RPH3A: variants seen among roughly 807,000 people sequenced by gnomAD.
The protein encoded by RPH3A is rabphilin-3A.
RPH3A carries 48 observed loss-of-function variants against 102.2 expected under a neutral mutation model. The observed-to-expected ratio is 0.47, with a 90% CI of 0.37 to 0.60. The LOEUF (loss-of-function observed/expected upper bound fraction) is 0.60, where lower values mean the gene tolerates loss of function less well. Among genes scored for constraint, RPH3A ranks in the 20% least tolerant of loss-of-function variants. The pLI, the probability that RPH3A is intolerant of heterozygous loss-of-function variation, is 0.00. For synonymous variants in RPH3A, 310 were observed against 324.3 expected, an observed-to-expected ratio of 0.96 and a Z score of 0.47; for missense variants, 781 against 910.1, an observed-to-expected ratio of 0.86 and a Z score of 1.83.
chr12:112,799,332 G>A (rs1274136645), intron 2 of RPH3A, among the ~76,000 whole-genome samples: 1 of 152,194 alleles, frequency 6.6e-6, no homozygotes, highest in Non-Finnish European at 1.5e-5. Context: ...AGGCTACTGT[G>A]AGCTGTGGTT....
At chr12:112,727,493 A>ACACACAGCC (rs1284810799) in intron 1 of RPH3A, among the ~76,000 whole-genome samples, 1 of 41,642 alleles carries the variant, frequency 2.4e-5, no homozygotes, top group Non-Finnish European at 4.5e-5. Context: ...ACACACACAG[A>ACACACAGCC]CCCCCCCCCC....
At chr12:112,597,161 GGGA>G (rs1336161893) in intron 1 of RPH3A, among the ~76,000 whole-genome samples, 1 of 152,160 alleles carries the variant, frequency 6.6e-6, no homozygotes, top group African/African-American at 2.4e-5. Context: ...GTTATTTTTG[GGGA>G]GGAGGAGAGG....
At chr12:112,873,528 G>C (rs1032225483) in intron 10 of RPH3A, among the ~76,000 whole-genome samples, 1 of 152,168 alleles carries the variant, frequency 6.6e-6, no homozygotes, top group Non-Finnish European at 1.5e-5. Context: ...TCTCTGAAAG[G>C]CTTTTGATCA....
chr12:112,818,738 T>A (rs1051997123), intron 2 of RPH3A, among the ~76,000 whole-genome samples: 1 of 152,158 alleles, frequency 6.6e-6, no homozygotes, highest in Non-Finnish European at 1.5e-5. Context: ...TGAGAGAGGA[T>A]GTTTTCCCAA....
chr12:112,637,856 A>T (rs2039859152), intron 1 of RPH3A, among the ~76,000 whole-genome samples: 1 of 151,696 alleles, frequency 6.6e-6, no homozygotes. Flanking sequence ...TGGTTCTTTT[A>T]CATCCTTTGA....
intron 3 of RPH3A, among the ~76,000 whole-genome samples, chr12:112,829,279 CT>C (rs1261332706): frequency 1.4e-5 from 2 of 142,336 alleles, no homozygotes; most frequent in African/African-American, 5.2e-5. Context: ...TTTTTTTTTT[CT>C]TTTTTTTTCT....
At chr12:112,891,884 G>T (rs2043101553) in intron 19 of RPH3A, among the ~76,000 whole-genome samples, 1 of 152,194 alleles carries the variant, frequency 6.6e-6, no homozygotes, top group South Asian at 2.1e-4. Context: ...CAATCTCATA[G>T]CCACCGCTGT....
chr12:112,854,679 G>A (rs114465789), intron 5 of RPH3A, among the ~76,000 whole-genome samples: 66 of 152,236 alleles, frequency 4.3e-4, no homozygotes, highest in South Asian at 1.2e-3. Flanking sequence ...CATATATTTC[G>A]TTTAATCCTC....
At chr12:112,663,840 A>G (rs1316460629) in intron 1 of RPH3A, among the ~76,000 whole-genome samples, 1 of 152,166 alleles carries the variant, frequency 6.6e-6, no homozygotes, top group Non-Finnish European at 1.5e-5. Flanking sequence ...ACATCTTTCC[A>G]GCATATAAAC....
At chr12:112,615,970 C>G (rs763607356) in intron 1 of RPH3A, among the ~76,000 whole-genome samples, 2 of 152,130 alleles carry the variant, frequency 1.3e-5, no homozygotes, top group Non-Finnish European at 2.9e-5. Flanking sequence ...AGGTCTGGAT[C>G]TTGTCCCTAG....
chr12:112,824,479 G>T (rs867020445), intron 2 of RPH3A, among the ~76,000 whole-genome samples: 3 of 152,068 alleles, frequency 2.0e-5, no homozygotes, highest in Admixed American at 1.3e-4. Context: ...GACTATTAGG[G>T]TGCCTCCCCC....
intron 7 of RPH3A, 90 bp downstream of exon 7, chr12:112,866,930 C>A: frequency 1.1e-6 from 1 of 899,480 alleles, no homozygotes. Context: ...TGAAAGGACC[C>A]AGCTCAGCAG....
chr12:112,731,293 G>A (rs989864789), intron 1 of RPH3A, among the ~76,000 whole-genome samples: 2 of 152,156 alleles, frequency 1.3e-5, no homozygotes, highest in Middle Eastern at 3.4e-3. Context: ...ATGAATACAC[G>A]TATAAGTTTC....
chr12:112,715,648 T>C (rs1420432759), intron 1 of RPH3A, among the ~76,000 whole-genome samples: 2 of 152,178 alleles, frequency 1.3e-5, no homozygotes, highest in African/African-American at 4.8e-5. Context: ...CCCAACTACA[T>C]GGTGAGCTCA....
At chr12:112,702,567 C>G (rs955195236) in intron 1 of RPH3A, among the ~76,000 whole-genome samples, 2 of 152,214 alleles carry the variant, frequency 1.3e-5, no homozygotes, top group Non-Finnish European at 2.9e-5. Flanking sequence ...AGGTCTCCAG[C>G]CTTCATGCTC....
At chr12:112,623,501 G>A (rs1484524700) in intron 1 of RPH3A, among the ~76,000 whole-genome samples, 14 of 27,054 alleles carry the variant, frequency 5.2e-4, no homozygotes, top group African/African-American at 3.2e-3. Context: ...TTCAACAAGA[G>A]GAGCTAACTA....
intron 1 of RPH3A, among the ~76,000 whole-genome samples, chr12:112,764,238 T>C (rs374972752): frequency 7.7e-4 from 118 of 152,304 alleles, no homozygotes; most frequent in African/African-American, 2.7e-3. Flanking sequence ...TACAGGAGCT[T>C]ATGTACCAAC....
intron 1 of RPH3A, among the ~76,000 whole-genome samples, chr12:112,613,229 C>T (rs1285135739): frequency 6.6e-6 from 1 of 152,136 alleles, no homozygotes; most frequent in Non-Finnish European, 1.5e-5. Context: ...CCGGGACTTT[C>T]TAACTCTAAA....
At position 112,834,806 on chromosome 12, in the gene RPH3A, T is replaced by C. The variant is rs565090864; in HGVS notation, c.72-1685T>C. Among the ~76,000 whole-genome samples the C allele has an allele frequency of 3.9e-5, 6 of 152,338 alleles. No individual in the cohort carries two copies. In the South Asian group the frequency reaches 1.2e-3, roughly 32 times the overall value. On this transcript the variant is annotated intron_variant, in intron 3 of 21. Coordinates refer to ENST00000389385, the MANE Select transcript of RPH3A (RefSeq NM_001143854.2). ...AATCAGGTAATTCATCTTCTTGTTA[T>C]TAAGTTTTACAAGTTTTCTTATGTT...
Sources: allele counts gnomAD v4.1 joint callset (sites outside exome capture counted in the v4.1 genomes callset), GRCh38; gene constraint gnomAD v4.1.1; transcripts MANE v1.5; gene names NCBI Gene and HGNC (gene_info 2026-07-23, HGNC 2026-07-21).